AGAP1: variants seen among roughly 807,000 people sequenced by gnomAD.
The protein encoded by AGAP1 is ArfGAP with GTPase domain, ankyrin repeat and PH domain 1.
In AGAP1, 29 loss-of-function variants were observed where a neutral mutation model predicts 105.3. The observed-to-expected ratio is 0.28, with a 90% CI of 0.21 to 0.38. The LOEUF is 0.38. AGAP1 is among the 10% of genes least tolerant of loss of function. The probability of loss-of-function intolerance (pLI) is 1.00; values close to 1 mark genes in which losing one functional copy is unlikely to be tolerated. For synonymous variants in AGAP1, 509 were observed against 485.9 expected, an observed-to-expected ratio of 1.05 and a Z score of -0.63; for missense variants, 998 against 1,165.1, an observed-to-expected ratio of 0.86 and a Z score of 2.09.
chr2:235,792,004 AGT>A lies in AGAP1; in HGVS notation c.674-5750_674-5749del, dbSNP rs1957006709. On this transcript the variant is annotated intron_variant, in intron 6 of 17. Coordinates refer to ENST00000304032, the MANE Select transcript of AGAP1 (RefSeq NM_001037131.3). This position sits in a 1 kb window ranked among gnomAD's most constrained non-coding sequence, Gnocchi z 5.3. ...TGTTTAGTCTCATGTGAATTTCATC[AGT>A]GTGTCTATGGTGAGCATTTAAAATA... Among the ~76,000 whole-genome samples, 1 of 152,184 alleles carries A rather than the reference AGT, an allele frequency of 6.6e-6. No homozygotes were observed. The highest frequency in any genetic ancestry group is 1.5e-5 in the Non-Finnish European group (1 of 68,038).
chr2:235,565,446 C>T (rs1243712156), intron 1 of AGAP1, among the ~76,000 whole-genome samples: 5 of 152,186 alleles, frequency 3.3e-5, no homozygotes, highest in African/African-American at 1.2e-4. Flanking sequence ...TGCATTGTTG[C>T]CTGTGCAGTT....
At chr2:235,937,801 A>G (rs2053063128) in intron 12 of AGAP1, among the ~76,000 whole-genome samples, 2 of 152,228 alleles carry the variant, frequency 1.3e-5, no homozygotes, top group African/African-American at 4.8e-5. Flanking sequence ...AGAAGCCACC[A>G]GGGTGCTGCT....
At chr2:235,837,321 T>C (rs991132179) in intron 9 of AGAP1, among the ~76,000 whole-genome samples, 1 of 152,168 alleles carries the variant, frequency 6.6e-6, no homozygotes, top group African/African-American at 2.4e-5. Flanking sequence ...AGGCTAAATA[T>C]GATTAACAGC....
chr2:235,577,817 TCA>T lies in AGAP1; in HGVS notation c.163+82969_163+82970del, dbSNP rs1203801298. On this transcript the variant is annotated intron_variant, in intron 1 of 17. Transcript: ENST00000304032. This position sits in a 1 kb window ranked among gnomAD's most constrained non-coding sequence, Gnocchi z 4.5. ...CTATTCCTGAAATGTAATCCCTCCT[TCA>T]GCGCTGCACAAAAGGCCCATGTCTG... Among the ~76,000 whole-genome samples, 18 of 152,040 alleles carry T rather than the reference TCA, an allele frequency of 1.2e-4. No homozygotes were observed. The highest frequency in any genetic ancestry group is 4.3e-4 in the African/African-American group (18 of 41,392).
At chr2:235,929,841 T>C (rs2052635995) in intron 11 of AGAP1, among the ~76,000 whole-genome samples, 1 of 152,338 alleles carries the variant, frequency 6.6e-6, no homozygotes, top group African/African-American at 2.4e-5. Context: ...ACTGCTAATA[T>C]GGGCTGCGTA....
chr2:235,744,680 CCCTTCTTCTCT>C lies in AGAP1; in HGVS notation c.397-15_397-5del, dbSNP rs779138865. 2.6e-5 allele frequency: 42 copies of C among 1,613,888 alleles called. No homozygotes were observed. The East Asian group carries it at 8.5e-4, about 33-fold the overall frequency. ...TGCTCACTCAGCTCCTGCTCTCCTC[CCCTTCTTCTCT>C]CCCTAGTTTGCCATGTGGGTGGACG... On this transcript the variant is annotated splice_region_variant and splice_polypyrimidine_tract_variant and intron_variant, in intron 4 of 17. Coordinates refer to ENST00000304032, the MANE Select transcript of AGAP1 (RefSeq NM_001037131.3). This position sits in a 1 kb window ranked among gnomAD's most constrained non-coding sequence, Gnocchi z 5.2.
intron 16 of AGAP1, among the ~76,000 whole-genome samples, chr2:236,074,610 A>G (rs2058589228): frequency 6.6e-6 from 1 of 152,214 alleles, no homozygotes; most frequent in Non-Finnish European, 1.5e-5. Context: ...ACCAAAATAA[A>G]TGTGTAAAAA....
rs373058955 is a variant in AGAP1, at chr2:235,699,521, C to T, written c.164-9658C>T. Reference sequence around the variant, plus strand: ...AAATGGGATCCTGGATACTCCCTCCCTCTTTGTAAAACCCCTGGAGCATTT... The same window carrying T: ...AAATGGGATCCTGGATACTCCCTCCTTCTTTGTAAAACCCCTGGAGCATTT... On this transcript the variant is annotated intron_variant, in intron 1 of 17. Coordinates refer to ENST00000304032, the MANE Select transcript of AGAP1 (RefSeq NM_001037131.3). Among the ~76,000 whole-genome samples the T allele has an allele frequency of 2.3e-3, 350 of 152,302 alleles. 3 individuals carry two copies. In the Middle Eastern group the frequency reaches 0.024, roughly 10 times the overall value.
chr2:235,636,603 C>G (rs1947010275), intron 1 of AGAP1, among the ~76,000 whole-genome samples: 1 of 152,176 alleles, frequency 6.6e-6, no homozygotes, highest in Non-Finnish European at 1.5e-5. Flanking sequence ...TCTGGACCCT[C>G]CACATCAGCA....
Position 236,049,066 on chromosome 2 carries a change from C to G in AGAP1, c.1899C>G (p.Asn633Lys), listed in dbSNP as rs373831177. 5.0e-6 allele frequency: 8 copies of G among 1,613,738 alleles called. No homozygotes were observed. The highest frequency in any genetic ancestry group is 6.8e-6 in the Non-Finnish European group (8 of 1,179,766). Residue 633 changes from asparagine to lysine, a missense_variant, in exon 16 of 18, where the codon AAC (asparagine) becomes AAG (lysine). Physicochemically the swap from Asn to Lys is moderately conservative, Grantham distance 94. This residue lies in a region of AGAP1 where 28 missense variants were observed against 61.0 expected (regional missense o/e 0.46). Transcript: ENST00000304032. ...HCVDCETQNP[N>K]WASLNLGALM... ...CTGTTCCTCTTCCCGTAGATCCCAACTGGGCCAGTTTGAACTTGGGAGCCC... is the reference window on the plus strand; with the variant it reads ...CTGTTCCTCTTCCCGTAGATCCCAAGTGGGCCAGTTTGAACTTGGGAGCCC...
At position 235,989,902 on chromosome 2, in the gene AGAP1, T is replaced by TG. The variant is rs2055488674; in HGVS notation, c.1645+21281dup. On this transcript the variant is annotated intron_variant, in intron 13 of 17. Coordinates refer to ENST00000304032, the MANE Select transcript of AGAP1 (RefSeq NM_001037131.3). This position sits in a 1 kb window ranked among gnomAD's most constrained non-coding sequence, Gnocchi z 4.4. ...AAGAGATGAAAGAGAGGGGAGGGGC[T>TG]GGCCAGTCAGCAATCTGGACAGTTT... Among the ~76,000 whole-genome samples, 1 of 152,080 alleles carries TG rather than the reference T, an allele frequency of 6.6e-6. No individual in the cohort carries two copies. Among genetic ancestry groups the TG allele is most frequent in the Admixed American group, 6.5e-5 (1 of 15,276 alleles).
chr2:235,881,195 A>G (rs1315288051), intron 9 of AGAP1, among the ~76,000 whole-genome samples: 1 of 152,214 alleles, frequency 6.6e-6, no homozygotes, highest in Non-Finnish European at 1.5e-5. Flanking sequence ...CTAGTAAATA[A>G]AAAACAGTAT....
rs2057882540 is a variant in AGAP1, at chr2:236,051,119, G to C, written c.2114+1838G>C. Among the ~76,000 whole-genome samples, 1 of 152,220 alleles carries C rather than the reference G, an allele frequency of 6.6e-6. No homozygotes were observed. Among genetic ancestry groups the C allele is most frequent in the Non-Finnish European group, 1.5e-5 (1 of 68,026 alleles). On this transcript the variant is annotated intron_variant, in intron 16 of 17. Coordinates refer to ENST00000304032, the MANE Select transcript of AGAP1 (RefSeq NM_001037131.3). This position sits in a 1 kb window ranked among gnomAD's most constrained non-coding sequence, Gnocchi z 5.9. ...CTGGCTTTCCTAAAGAGCAGGCCGA[G>C]TTGTAATTCCTCTCCAAGACTGTGG...
rs1952471119 is a variant in AGAP1, at chr2:235,739,853, G to A, written c.311-1110G>A. 1.3e-5 allele frequency among the ~76,000 whole-genome samples: 2 copies of A among 152,204 alleles called. No homozygotes were observed. Among genetic ancestry groups the A allele is most frequent in the Admixed American group, 6.5e-5 (1 of 15,288 alleles). On this transcript the variant is annotated intron_variant, in intron 3 of 17. Coordinates refer to ENST00000304032, the MANE Select transcript of AGAP1 (RefSeq NM_001037131.3). This position sits in a 1 kb window ranked among gnomAD's most constrained non-coding sequence, Gnocchi z 5.3. ...CAGGATTCTAGGAGGGAAGGTTCCC[G>A]TCGCAGGGGAGGGAATCAGACGTCG...
In AGAP1 at chr2:235,891,887, C is replaced by T. The variant is rs1553665588; in HGVS notation, c.1155+8438C>T. On this transcript the variant is annotated intron_variant, in intron 10 of 17. Transcript: ENST00000304032. The surrounding 1 kb of genome is among the most constrained non-coding windows in gnomAD (Gnocchi z 4.2). ...ACCTCCTTCTGGCCAGGTGTGGTGG[C>T]TCACACCTGTAATCCCAGCACTTTG... Among the ~76,000 whole-genome samples, 2 of 152,172 alleles carry T rather than the reference C, an allele frequency of 1.3e-5. No individual in the cohort carries two copies. The highest frequency in any genetic ancestry group is 2.9e-5 in the Non-Finnish European group (2 of 68,038).
chr2:235,931,050 C>A lies in AGAP1; in HGVS notation c.1483+127C>A. On this transcript the variant is annotated intron_variant, in intron 12 of 17. Coordinates refer to ENST00000304032, the MANE Select transcript of AGAP1 (RefSeq NM_001037131.3). The surrounding 1 kb of genome is among the most constrained non-coding windows in gnomAD (Gnocchi z 5.6). ...AGCGCAGCACCCTGTGGGGCGGCTG[C>A]ATCAGAGACTCACATCTTGCCTTTC... is the stretch of plus-strand genomic sequence containing the variant. 1 of 1,071,808 alleles carries A rather than the reference C, an allele frequency of 9.3e-7. No homozygotes were observed. 66.4% of individuals were successfully genotyped at this position (1,071,808 alleles called of 1,614,324 possible). A position where few individuals can be genotyped will look rare whatever the true frequency, so the allele number is the denominator to read the frequency against.
chr2:235,809,350 A>G (rs1958008251), intron 9 of AGAP1, among the ~76,000 whole-genome samples: 1 of 152,098 alleles, frequency 6.6e-6, no homozygotes, highest in South Asian at 2.1e-4. Flanking sequence ...TGAAATCTAA[A>G]TCATGGTCTG....
chr2:235,684,408 G>A (rs981366860), intron 1 of AGAP1, among the ~76,000 whole-genome samples: 1 of 152,098 alleles, frequency 6.6e-6, no homozygotes, highest in Non-Finnish European at 1.5e-5. Flanking sequence ...GCAAGCCCTA[G>A]GCTTCATTCT....
At chr2:235,698,827 A>G (rs543129382) in intron 1 of AGAP1, among the ~76,000 whole-genome samples, 10 of 152,286 alleles carry the variant, frequency 6.6e-5, no homozygotes, top group Admixed American at 5.2e-4. Context: ...ACCTATCACA[A>G]TTTTTAAATT....
Sources: gnomAD v4.1 joint callset for allele counts (sites outside exome capture counted in the v4.1 genomes callset) on GRCh38, gnomAD v4.1.1 for gene constraint, gnomAD v4.1.1 regional missense constraint, Gnocchi (gnomAD v3.1) non-coding constraint, MANE v1.5 for transcripts, NCBI Gene and HGNC (gene_info 2026-07-23, HGNC 2026-07-21) for gene names.